ENAH: variants seen among roughly 807,000 people sequenced by gnomAD.
The protein encoded by ENAH is ENAH actin regulator, also known as protein enabled homolog.
ENAH carries 23 observed loss-of-function variants against 78.7 expected under a neutral mutation model. The observed-to-expected ratio is 0.29, with a 90% CI of 0.21 to 0.41. The LOEUF (loss-of-function observed/expected upper bound fraction) is 0.41, where lower values mean the gene tolerates loss of function less well. ENAH is among the 10% of genes least tolerant of loss of function. The probability of loss-of-function intolerance (pLI) is 1.00; values close to 1 mark genes in which losing one functional copy is unlikely to be tolerated. For synonymous variants in ENAH, 226 were observed against 241.0 expected (o/e 0.94, Z 0.58); for missense variants, 544 against 691.0 (o/e 0.79, Z 2.39).
At chr1:225,550,429 T>C (rs1360679578) in intron 3 of ENAH, among the ~76,000 whole-genome samples, 2 of 152,218 alleles carry the variant, frequency 1.3e-5, no homozygotes, top group African/African-American at 4.8e-5. Context: ...TTATAAAAAA[T>C]ACGCTTTACT....
At chr1:225,615,324 C>T (rs1366035452) in intron 1 of ENAH, among the ~76,000 whole-genome samples, 2 of 152,226 alleles carry the variant, frequency 1.3e-5, no homozygotes, top group African/African-American at 4.8e-5. Flanking sequence ...GGATTGCAGA[C>T]GGAGTCTCCC....
At chr1:225,611,379 C>T (rs938290493) in intron 1 of ENAH, among the ~76,000 whole-genome samples, 3 of 152,010 alleles carry the variant, frequency 2.0e-5, no homozygotes, top group Non-Finnish European at 4.4e-5. Context: ...GGTGCAGTGG[C>T]GCGATCTCTG....
At chr1:225,562,445 G>A (rs552061909) in intron 2 of ENAH, among the ~76,000 whole-genome samples, 16 of 151,566 alleles carry the variant, frequency 1.1e-4, no homozygotes, top group South Asian at 6.3e-4. Context: ...GGTGACAGGC[G>A]CCTATAGTCC....
intron 4 of ENAH, 78 bp downstream of exon 4, chr1:225,530,476 T>A: frequency 8.5e-7 from 1 of 1,176,986 alleles, no homozygotes; most frequent in Admixed American, 1.7e-5. Flanking sequence ...TAAGACATAA[T>A]CTACTTTAAA....
At chr1:225,616,091 G>C (rs948001753) in intron 1 of ENAH, among the ~76,000 whole-genome samples, 9 of 152,122 alleles carry the variant, frequency 5.9e-5, no homozygotes, top group Admixed American at 5.2e-4. Context: ...GATTAAGGGC[G>C]GAGCAAGATG....
intron 2 of ENAH, among the ~76,000 whole-genome samples, chr1:225,557,685 G>T (rs2096673857): frequency 6.6e-6 from 1 of 152,146 alleles, no homozygotes; most frequent in Admixed American, 6.5e-5. Context: ...GCCAGGCGTG[G>T]TGGCATGTGC....
intron 1 of ENAH, among the ~76,000 whole-genome samples, chr1:225,582,044 T>G (rs1162593782): frequency 6.6e-6 from 1 of 151,896 alleles, no homozygotes; most frequent in Non-Finnish European, 1.5e-5. Context: ...ATGTTGGGGG[T>G]GGGGCCTGGT....
At chr1:225,650,617 G>A (rs1465087847) in intron 1 of ENAH, among the ~76,000 whole-genome samples, 1 of 152,002 alleles carries the variant, frequency 6.6e-6, no homozygotes, top group Non-Finnish European at 1.5e-5. Flanking sequence ...TTGGGAGGCC[G>A]AAGCTGGTGG....
chr1:225,638,570 T>C (rs1389949122), intron 1 of ENAH, among the ~76,000 whole-genome samples: 1 of 152,196 alleles, frequency 6.6e-6, no homozygotes, highest in African/African-American at 2.4e-5. Flanking sequence ...ATTTTTCTTA[T>C]TGGGTCATTT....
chr1:225,554,210 C>T (rs902781316), intron 3 of ENAH, among the ~76,000 whole-genome samples: 2 of 152,116 alleles, frequency 1.3e-5, no homozygotes, highest in Middle Eastern at 3.4e-3. Context: ...CAATTATTTC[C>T]TGATTATAAA....
At chr1:225,578,029 C>T (rs2096796578) in intron 1 of ENAH, among the ~76,000 whole-genome samples, 1 of 152,100 alleles carries the variant, frequency 6.6e-6, no homozygotes, top group Admixed American at 6.6e-5. Context: ...GTAAAAAGAA[C>T]CTGTCCCTAT....
At chr1:225,555,891 G>A (rs552728688) in intron 2 of ENAH, among the ~76,000 whole-genome samples, 4 of 152,196 alleles carry the variant, frequency 2.6e-5, no homozygotes, top group Admixed American at 2.0e-4. Context: ...CTATATAGGG[G>A]TCTTAAGTAT....
chr1:225,531,886 A>G (rs1308934050), intron 3 of ENAH, among the ~76,000 whole-genome samples: 3 of 152,042 alleles, frequency 2.0e-5, no homozygotes, highest in African/African-American at 7.2e-5. Flanking sequence ...CCTCTTTACA[A>G]ATGTTTTTAG....
intron 1 of ENAH, among the ~76,000 whole-genome samples, chr1:225,602,021 G>C (rs941670325): frequency 6.6e-6 from 1 of 151,916 alleles, no homozygotes; most frequent in African/African-American, 2.4e-5. Flanking sequence ...GAACAATTAA[G>C]AAGATAACAA....
intron 1 of ENAH, among the ~76,000 whole-genome samples, chr1:225,598,540 GT>G (rs34057900): frequency 0.6 from 90,644 of 151,706 alleles, 28,809 homozygotes; most frequent in Middle Eastern, 0.73. Flanking sequence ...ACATTACTGA[GT>G]TTTTTTTAAT....
chr1:225,612,747 T>C lies in ENAH; in HGVS notation c.5+39939A>G, dbSNP rs1389631771. 3.3e-5 allele frequency among the ~76,000 whole-genome samples: 5 copies of C among 152,166 alleles called. No homozygotes were observed. In the East Asian group the frequency reaches 9.6e-4, roughly 29 times the overall value. Reference sequence around the variant, plus strand: ...AATAAATACTAAATAATTCATATCTTTGCCCCAGTTTATATTTTGCCTTCT... The same window carrying C: ...AATAAATACTAAATAATTCATATCTCTGCCCCAGTTTATATTTTGCCTTCT... On this transcript the variant is annotated intron_variant, in intron 1 of 13. Transcript: ENST00000366843.
At chr1:225,580,405 G>C (rs1193216580) in intron 1 of ENAH, 4 of 152,132 alleles carry the variant, frequency 2.6e-5, no homozygotes, top group African/African-American at 9.7e-5. Flanking sequence ...CCCCCGTGAT[G>C]ACTTCAGTTG....
At chr1:225,650,402 T>C (rs986154255) in intron 1 of ENAH, among the ~76,000 whole-genome samples, 4 of 152,194 alleles carry the variant, frequency 2.6e-5, no homozygotes, top group Admixed American at 6.5e-5. Flanking sequence ...TACTTTTTAT[T>C]AGAAAAGGAA....
chr1:225,560,366 C>T (rs1023537866), intron 2 of ENAH, among the ~76,000 whole-genome samples: 5 of 152,014 alleles, frequency 3.3e-5, no homozygotes, highest in African/African-American at 7.3e-5. Context: ...GTGGCACATG[C>T]CTGTAATCCA....
Sources: allele counts gnomAD v4.1 joint callset (sites outside exome capture counted in the v4.1 genomes callset), GRCh38; gene constraint gnomAD v4.1.1; transcripts MANE v1.5; gene names NCBI Gene and HGNC (gene_info 2026-07-23, HGNC 2026-07-21).